ATP8A1: variants seen among roughly 807,000 people sequenced by gnomAD.
The protein encoded by ATP8A1 is ATPase phospholipid transporting 8A1, also known as phospholipid-transporting ATPase IA.
In ATP8A1, 90 loss-of-function variants were observed where a neutral mutation model predicts 177.7. That is an observed-to-expected ratio of 0.51 (90% CI 0.43 to 0.60). The LOEUF (loss-of-function observed/expected upper bound fraction) is 0.60. Ranked by LOEUF, ATP8A1 falls within the 20% of genes least tolerant of loss-of-function variation. The probability of loss-of-function intolerance (pLI) is 0.00; values close to 1 mark genes in which losing one functional copy is unlikely to be tolerated. For synonymous variants in ATP8A1, 493 were observed against 485.9 expected, an observed-to-expected ratio of 1.01 and a Z score of -0.19; for missense variants, 1,072 against 1,392.8, an observed-to-expected ratio of 0.77 and a Z score of 3.67.
At chr4:42,426,667 CTT>C (rs1385628092) in intron 33 of ATP8A1, among the ~76,000 whole-genome samples, 3 of 152,172 alleles carry the variant, frequency 2.0e-5, no homozygotes, top group African/African-American at 4.8e-5. Context: ...TTTAAATGCT[CTT>C]GTCTCTGGTT....
intron 16 of ATP8A1, among the ~76,000 whole-genome samples, chr4:42,554,268 C>T (rs1048519685): frequency 6.6e-6 from 1 of 152,152 alleles, no homozygotes; most frequent in Non-Finnish European, 1.5e-5. Flanking sequence ...TGAGGATTAA[C>T]TGCAGCCGAC....
At position 42,633,639 on chromosome 4, in the gene ATP8A1, T is replaced by C. The variant is rs190431059; in HGVS notation, c.50-6530A>G. Among the ~76,000 whole-genome samples the C allele has an allele frequency of 2.5e-3, 380 of 152,292 alleles. 1 individual carries two copies. The highest frequency in any genetic ancestry group is 8.9e-3 in the African/African-American group (370 of 41,566). Reference sequence around the variant, plus strand: ...CAGAAGTCTCTGTGCTTAAGTTTCATTATGCATATAATAGAACTAATAACA... The same window carrying C: ...CAGAAGTCTCTGTGCTTAAGTTTCACTATGCATATAATAGAACTAATAACA... On this transcript the variant is annotated intron_variant, in intron 1 of 36. Coordinates refer to ENST00000381668, the MANE Select transcript of ATP8A1 (RefSeq NM_006095.2).
In ATP8A1 at chr4:42,470,498, T is replaced by C. The variant is rs563375430; in HGVS notation, c.2325-5422A>G. ...TATATAATAGATGTATAATAAAGGA[T>C]AATTTAAGGAATTTTTTATAGGTAG... On this transcript the variant is annotated intron_variant, in intron 25 of 36. Transcript: ENST00000381668. Among the ~76,000 whole-genome samples the C allele has an allele frequency of 7.9e-4, 120 of 152,266 alleles. No homozygotes were observed. The Middle Eastern group carries it at 0.024, about 30-fold the overall frequency.
chr4:42,624,826 A>G (rs17448332), intron 3 of ATP8A1, among the ~76,000 whole-genome samples, 192 bp from the exon 4 acceptor site: 4,824 of 152,254 alleles, frequency 0.032, 96 homozygotes, highest in South Asian at 0.061. Context: ...TTTCACAGTA[A>G]GCAGTTGTAT....
At chr4:42,469,877 C>A (rs943854899) in intron 25 of ATP8A1, among the ~76,000 whole-genome samples, 1 of 152,202 alleles carries the variant, frequency 6.6e-6, no homozygotes, top group Non-Finnish European at 1.5e-5. Flanking sequence ...CCTTACCACA[C>A]AACAACTTAA....
chr4:42,494,808 AATGT>A (rs1723099753), intron 24 of ATP8A1, among the ~76,000 whole-genome samples: 1 of 152,220 alleles, frequency 6.6e-6, no homozygotes, highest in Non-Finnish European at 1.5e-5. Context: ...TGACCACATC[AATGT>A]ATGTATTTGG....
chr4:42,627,785 T>A (rs1738268415), intron 1 of ATP8A1, among the ~76,000 whole-genome samples: 1 of 152,210 alleles, frequency 6.6e-6, no homozygotes, highest in Admixed American at 6.5e-5. Context: ...ACAGATAGTA[T>A]TTTAAACAGC....
At chr4:42,486,035 T>C (rs1420269398) in intron 24 of ATP8A1, among the ~76,000 whole-genome samples, 1 of 152,220 alleles carries the variant, frequency 6.6e-6, no homozygotes, top group Non-Finnish European at 1.5e-5. Context: ...ATTTAATTTA[T>C]TTAGTAAGGC....
chr4:42,614,894 AT>A (rs1736745553), intron 5 of ATP8A1, among the ~76,000 whole-genome samples: 1 of 152,162 alleles, frequency 6.6e-6, no homozygotes, highest in South Asian at 2.1e-4. Flanking sequence ...TCCTCCTAAA[AT>A]TCAAGGTCTA....
At chr4:42,650,862 G>A (rs1254730344) in intron 1 of ATP8A1, among the ~76,000 whole-genome samples, 1 of 152,130 alleles carries the variant, frequency 6.6e-6, no homozygotes. Context: ...CCAAGCAAGA[G>A]CCTTTGGCAA....
At chr4:42,636,417 G>A (rs1443980566) in intron 1 of ATP8A1, among the ~76,000 whole-genome samples, 1 of 151,900 alleles carries the variant, frequency 6.6e-6, no homozygotes, top group Non-Finnish European at 1.5e-5. Context: ...GAGAGAGAGA[G>A]AGAGAGCTCA....
At chr4:42,446,364 G>A (rs1429868214) in intron 31 of ATP8A1, among the ~76,000 whole-genome samples, 1 of 151,930 alleles carries the variant, frequency 6.6e-6, no homozygotes, top group Non-Finnish European at 1.5e-5. Context: ...GCTACTTAAC[G>A]GCACTGATTT....
At chr4:42,543,341 T>TA (rs563030075) in intron 20 of ATP8A1, among the ~76,000 whole-genome samples, 6 of 151,760 alleles carry the variant, frequency 4.0e-5, no homozygotes, top group African/African-American at 1.4e-4. Context: ...TCATCTCAAT[T>TA]AAAAAAAAGG....
chr4:42,435,426 C>CAAAAAAAAAAAAAAAAAAAAA (rs55945370), intron 33 of ATP8A1, among the ~76,000 whole-genome samples: 6 of 93,986 alleles, frequency 6.4e-5, no homozygotes, highest in African/African-American at 1.1e-4. Flanking sequence ...GACTTCATCT[C>CAAAAAAAAAAAAAAAAAAAAA]AAAAAAAAAA....
intron 22 of ATP8A1, among the ~76,000 whole-genome samples, chr4:42,511,005 G>A (rs1022796365): frequency 2.6e-5 from 4 of 152,080 alleles, no homozygotes; most frequent in Non-Finnish European, 4.4e-5. Context: ...AAAACATTTC[G>A]GAATATTCAG....
At chr4:42,475,456 C>A (rs1390629947) in intron 25 of ATP8A1, among the ~76,000 whole-genome samples, 2 of 106,486 alleles carry the variant, frequency 1.9e-5, no homozygotes, top group Non-Finnish European at 3.9e-5. Context: ...CATAATGAAA[C>A]AAAGGAAAGC....
intron 6 of ATP8A1, among the ~76,000 whole-genome samples, chr4:42,597,269 T>C (rs1219192023): frequency 6.6e-6 from 1 of 152,230 alleles, no homozygotes; most frequent in Non-Finnish European, 1.5e-5. Context: ...TTTTGGTTTA[T>C]TGATTTTATT....
intron 1 of ATP8A1, among the ~76,000 whole-genome samples, chr4:42,629,928 G>A (rs965511653): frequency 2.6e-5 from 4 of 152,234 alleles, no homozygotes; most frequent in Non-Finnish European, 5.9e-5. Context: ...CATGTAAAGA[G>A]AAACGGACTC....
At position 42,443,638 on chromosome 4, in the gene ATP8A1, A is replaced by G; in HGVS notation, c.3050T>C (p.Leu1017Pro). Reference protein sequence around the residue: ...SHIAIWGSIALWVVFFGIYSS... With the variant: ...SHIAIWGSIAPWVVFFGIYSS... ...GTAGATTCCAAAAAACACCACCCAG[A>G]GTGCGATGCTCCCCCATATCGCTAT... The change falls in exon 33 of 37, where the codon CTC becomes CCC. Residue 1017 changes from leucine (L) to proline (P), a missense_variant. By Grantham distance (98) the Leu-to-Pro change is moderately conservative. Around this residue, in one of 5 missense-constraint regions of ATP8A1, gnomAD observed 316 missense variants for 459.1 expected, o/e 0.69. Transcript: ENST00000381668. 1.3e-6 allele frequency: 2 copies of G among 1,570,092 alleles called. No homozygotes were observed. Among genetic ancestry groups the G allele is most frequent in the Non-Finnish European group, 1.8e-6 (2 of 1,139,966 alleles).
Sources: allele counts gnomAD v4.1 joint callset (sites outside exome capture counted in the v4.1 genomes callset), GRCh38; gene constraint gnomAD v4.1.1; regional missense constraint gnomAD v4.1.1; transcripts MANE v1.5; gene names NCBI Gene and HGNC (gene_info 2026-07-23, HGNC 2026-07-21).